Variants in NLRP13 observed in about 807,000 individuals in gnomAD.
NLRP13 encodes NACHT, LRR and PYD domains-containing protein 13.
NLRP13 carries 82 observed loss-of-function variants against 94.4 expected under a neutral mutation model. That is an observed-to-expected ratio of 0.87 (90% CI 0.73 to 1.04). NLRP13 has a LOEUF of 1.04. Among genes scored for constraint, NLRP13 ranks in the 50% least tolerant of loss-of-function variants. The pLI is 0.00. For missense variants in NLRP13, 1,426 were observed against 1,230.8 expected (o/e 1.16, Z -2.37); for synonymous variants, 553 against 464.7 (o/e 1.19, Z -2.45).
At chr19:55,929,955 C>T (rs1987067941) in intron 1 of NLRP13, among the ~76,000 whole-genome samples, 1 of 152,098 alleles carries the variant, frequency 6.6e-6, no homozygotes, top group African/African-American at 2.4e-5. Flanking sequence ...TTCTGCTTTA[C>T]ATCTGCCTAT....
chr19:55,902,258 G>A (rs1201397756), intron 8 of NLRP13, 53 bp from the exon 9 acceptor site: 2 of 1,562,730 alleles, frequency 1.3e-6, no homozygotes, highest in East Asian at 2.3e-5. Context: ...CCCAGACCCA[G>A]GCTCCTGGAA....
chr19:55,928,606 G>A lies in NLRP13; in HGVS notation c.319+3387C>T, dbSNP rs140895388. On this transcript the variant is annotated intron_variant, in intron 1 of 10. Coordinates refer to ENST00000342929, the MANE Select transcript of NLRP13 (RefSeq NM_176810.2). The stretch of plus-strand genomic sequence containing the variant: ...ATTTTTAAAAATCAGCAACAAGAAA[G>A]TAAGTTCTTCCTTTGAGAGCATTCT... 2.6e-5 allele frequency among the ~76,000 whole-genome samples: 4 copies of A among 152,104 alleles called. No homozygotes were observed. In the East Asian group the frequency reaches 7.7e-4, roughly 29 times the overall value.
chr19:55,908,893 T>A (rs1986426127), intron 6 of NLRP13, among the ~76,000 whole-genome samples: 1 of 152,190 alleles, frequency 6.6e-6, no homozygotes, highest in South Asian at 2.1e-4. Flanking sequence ...GACATACACT[T>A]GTACCCCTGA....
At chr19:55,921,054 A>T (rs1302791475) in intron 4 of NLRP13, among the ~76,000 whole-genome samples, 8 of 152,170 alleles carry the variant, frequency 5.3e-5, no homozygotes, top group Non-Finnish European at 8.8e-5. Context: ...ATAAGTTGGA[A>T]CTAAATCATG....
intron 4 of NLRP13, among the ~76,000 whole-genome samples, chr19:55,919,856 A>G (rs1986770091): frequency 6.6e-6 from 1 of 152,186 alleles, no homozygotes; most frequent in South Asian, 2.1e-4. Flanking sequence ...GGAACCAAGA[A>G]AGAGCCCTAA....
chr19:55,908,030 C>A, intron 6 of NLRP13, 74 bp from the exon 7 acceptor site: 4 of 1,385,984 alleles, frequency 2.9e-6, no homozygotes, highest in Non-Finnish European at 4.0e-6. Context: ...TGCCTCCTCA[C>A]CCTGCCTTCT....
Position 55,896,061 on chromosome 19 carries a change from T to C in NLRP13, c.3016A>G (p.Ser1006Gly). Residue 1006 changes from serine to glycine, a missense_variant, in exon 11 of 11, where the codon AGC becomes GGC. Coordinates refer to ENST00000342929, the MANE Select transcript of NLRP13 (RefSeq NM_176810.2). ...TTCAGATTGACCAGGCTCTTACTGC[T>C]GCTGAGAACAGAGAAGAGATGCTGG... Reference protein sequence around the residue: ...CCQHLFSVLSSSKSLVNLNLL... With the variant: ...CCQHLFSVLSGSKSLVNLNLL... 2 of 1,614,176 alleles carry C rather than the reference T, an allele frequency of 1.2e-6. No homozygotes were observed. The highest frequency in any genetic ancestry group is 1.7e-6 in the Non-Finnish European group (2 of 1,180,022).
intron 10 of NLRP13, among the ~76,000 whole-genome samples, chr19:55,897,669 T>C (rs946263679): frequency 6.6e-6 from 1 of 152,204 alleles, no homozygotes; most frequent in South Asian, 2.1e-4. Context: ...GCACTGCAGA[T>C]AACGTTAACC....
At chr19:55,896,470 C>T (rs1260553359) in intron 10 of NLRP13, among the ~76,000 whole-genome samples, 6 of 136,860 alleles carry the variant, frequency 4.4e-5, no homozygotes, top group East Asian at 4.4e-4. Context: ...TGCAGTGAGC[C>T]GAGATCACAC....
chr19:55,908,658 A>C, intron 6 of NLRP13, among the ~76,000 whole-genome samples: 1 of 152,212 alleles, frequency 6.6e-6, no homozygotes, highest in East Asian at 1.9e-4. Flanking sequence ...CATCCTTAGG[A>C]AGCTAATGCA....
In NLRP13 at chr19:55,912,022, C is replaced by A. The variant is rs1158211016; in HGVS notation, c.1795G>T (p.Glu599Ter). 2.5e-6 allele frequency: 4 copies of A among 1,614,122 alleles called. No homozygotes were observed. The highest frequency in any genetic ancestry group is 3.4e-6 in the Non-Finnish European group (4 of 1,179,974). ...TTACAATGCAAAGTATCTTCCAGTT[C>A]TCTTGCTATGTTTTTATTTAAAAGA... is the stretch of plus-strand genomic sequence containing the variant. ...FGLLNKNIAR[E>*]LEDTLHCKIS... The change falls in exon 5 of 11, where the codon GAA becomes TAA. Residue 599 changes from glutamate to a stop codon, truncating the protein, a stop_gained. Transcript: ENST00000342929. LOFTEE classifies it high-confidence loss of function.
At chr19:55,918,445 G>A in intron 4 of NLRP13, among the ~76,000 whole-genome samples, 1 of 151,884 alleles carries the variant, frequency 6.6e-6, no homozygotes, top group Middle Eastern at 3.4e-3. Context: ...CCAAAGCTTG[G>A]TTACTTTAAA....
intron 1 of NLRP13, among the ~76,000 whole-genome samples, chr19:55,928,063 GC>G (rs1260425314): frequency 2.0e-5 from 3 of 152,174 alleles, no homozygotes; most frequent in Non-Finnish European, 2.9e-5. Context: ...CAACTGCTGA[GC>G]TTTTATCGTC....
intron 8 of NLRP13, among the ~76,000 whole-genome samples, chr19:55,903,795 T>G (rs1186912673): frequency 1.3e-5 from 2 of 152,060 alleles, no homozygotes; most frequent in South Asian, 4.2e-4. Flanking sequence ...TATCCTGAAA[T>G]CCTATAACCT....
In NLRP13 at chr19:55,905,064, C is replaced by G. The variant is rs200764871; in HGVS notation, c.2496G>C (p.Leu832Phe). The change falls in exon 8 of 11, where the codon TTG becomes TTC. Residue 832 changes from leucine (L) to phenylalanine (F), a missense_variant. Physicochemically the swap from Leu to Phe is conservative, Grantham distance 22. Transcript: ENST00000342929. ...LSAASCQDLALFLTSIQHVTR... is the reference protein window; with the variant it reads ...LSAASCQDLAFFLTSIQHVTR... ...TTACGTGTTGGATGCTGGTGAGAAA[C>G]AAGGCTAGGTCCTGACAGCTGGCTG... 3.1e-5 allele frequency: 50 copies of G among 1,613,586 alleles called. No homozygotes were observed. Among genetic ancestry groups the G allele is most frequent in the Non-Finnish European group, 8.5e-7 (1 of 1,179,956 alleles).
chr19:55,912,188 A>C lies in NLRP13; in HGVS notation c.1629T>G (p.Phe543Leu). Residue 543 changes from phenylalanine (F) to leucine (L), a missense_variant, in exon 5 of 11, where the codon TTT becomes TTG. Physicochemically the swap from Phe to Leu is conservative, Grantham distance 22. Coordinates refer to ENST00000342929, the MANE Select transcript of NLRP13 (RefSeq NM_176810.2). ...TFTHLSFQEF[F>L]AAMSFVLEEP... ...CCTCTAGCACAAAGGACATGGCTGC[A>C]AAAAACTCCTGGAAACTTAGGTGGG... is the stretch of plus-strand genomic sequence containing the variant. The C allele has an allele frequency of 6.2e-7, 1 of 1,614,174 alleles. No homozygotes were observed.
intron 10 of NLRP13, among the ~76,000 whole-genome samples, chr19:55,897,437 T>C (rs774422006): frequency 2.0e-5 from 3 of 152,106 alleles, no homozygotes; most frequent in Non-Finnish European, 4.4e-5. Flanking sequence ...GAAGGATTGC[T>C]TGAGGTTGCA....
At position 55,913,225 on chromosome 19, in the gene NLRP13, G is replaced by A; in HGVS notation, c.592C>T (p.Pro198Ser). 6.2e-7 allele frequency: 1 copy of A among 1,613,956 alleles called. No individual in the cohort carries two copies. ...LLETWDNISW[P>S]KDHVYIRNTS... Reference sequence around the variant, plus strand: ...TTACGGATATATACGTGGTCTTTAGGCCAACTGATGTTGTCCCATGTCTCC... The same window carrying A: ...TTACGGATATATACGTGGTCTTTAGACCAACTGATGTTGTCCCATGTCTCC... Residue 198 changes from proline (P) to serine (S), a missense_variant, in exon 5 of 11, where the codon CCT (proline) becomes TCT (serine). By Grantham distance (74) the Pro-to-Ser change is moderately conservative. Transcript: ENST00000342929.
chr19:55,913,356 G>C (rs1287635287), intron 4 of NLRP13, 63 bp from the exon 5 acceptor site: 2 of 1,507,864 alleles, frequency 1.3e-6, no homozygotes, highest in East Asian at 4.5e-5. Flanking sequence ...GAATGATTCA[G>C]TTACAAAGTT....
Sources: allele counts gnomAD v4.1 joint callset (sites outside exome capture counted in the v4.1 genomes callset), GRCh38; gene constraint gnomAD v4.1.1; transcripts MANE v1.5; gene names NCBI Gene and HGNC (gene_info 2026-07-23, HGNC 2026-07-21).